The following SLC35F3 variants were observed in gnomAD, a reference collection of about 807,000 sequenced individuals.
SLC35F3 encodes the protein putative thiamine transporter SLC35F3.
SLC35F3 carries 25 observed loss-of-function variants against 49.9 expected under a neutral mutation model. The ratio of observed to expected loss-of-function variants is 0.50; its 90% CI spans 0.37 to 0.70. SLC35F3 has a LOEUF of 0.70. Ranked by LOEUF, SLC35F3 falls within the 30% of genes least tolerant of loss-of-function variation. The pLI is 0.00. For missense variants in SLC35F3, 525 were observed against 639.8 expected (o/e 0.82, Z 1.94); for synonymous variants, 275 against 265.4 (o/e 1.04, Z -0.35).
At chr1:234,018,690 A>C (rs146511128) in intron 2 of SLC35F3, among the ~76,000 whole-genome samples, 3 of 152,262 alleles carry the variant, frequency 2.0e-5, no homozygotes, top group African/African-American at 4.8e-5. Context: ...CCATTCTATT[A>C]ACCTCCCTTC....
intron 2 of SLC35F3, among the ~76,000 whole-genome samples, chr1:233,971,691 C>A (rs546094525): frequency 2.1e-4 from 30 of 140,670 alleles, no homozygotes; most frequent in African/African-American, 7.6e-4. Context: ...GCACTCCAGC[C>A]TGGGTGACAG....
intron 2 of SLC35F3, among the ~76,000 whole-genome samples, chr1:233,929,406 G>A (rs1662208149): frequency 6.6e-6 from 1 of 152,178 alleles, no homozygotes; most frequent in Admixed American, 6.5e-5. Flanking sequence ...GTAAGTGAGA[G>A]TTATTGAGAA....
chr1:234,267,694 C>T (rs1469824643), intron 3 of SLC35F3, among the ~76,000 whole-genome samples: 2 of 140,686 alleles, frequency 1.4e-5, no homozygotes, highest in Non-Finnish European at 1.6e-5. Flanking sequence ...TCCTCACTTC[C>T]CAGACGGGGT....
intron 2 of SLC35F3, among the ~76,000 whole-genome samples, chr1:233,990,621 A>G (rs906773091): frequency 5.9e-5 from 9 of 152,120 alleles, no homozygotes; most frequent in African/African-American, 2.2e-4. Context: ...TATTCTCGCC[A>G]TACACACACA....
At chr1:234,260,280 G>C (rs1043239821) in intron 3 of SLC35F3, among the ~76,000 whole-genome samples, 3 of 152,080 alleles carry the variant, frequency 2.0e-5, no homozygotes, top group Non-Finnish European at 4.4e-5. Context: ...TCTGCACTTC[G>C]TGAAAGGCTG....
At chr1:234,220,218 G>A (rs1485412782) in intron 2 of SLC35F3, among the ~76,000 whole-genome samples, 1 of 149,932 alleles carries the variant, frequency 6.7e-6, no homozygotes, top group Non-Finnish European at 1.5e-5. Context: ...AAAGGAATTA[G>A]AATAGAATAA....
chr1:234,015,835 C>T (rs375050277), intron 2 of SLC35F3, among the ~76,000 whole-genome samples: 6 of 151,868 alleles, frequency 4.0e-5, no homozygotes, highest in African/African-American at 1.5e-4. Flanking sequence ...TTTTCTGCAC[C>T]GCAAAGGAAA....
chr1:234,146,804 G>A lies in SLC35F3; in HGVS notation c.284-84613G>A, dbSNP rs532087068. ...GCTGGGATTACAGGCATGAGCCACCGTGCCCGGCCTCATCTTTCTTTCCAT... is the reference window on the plus strand; with the variant it reads ...GCTGGGATTACAGGCATGAGCCACCATGCCCGGCCTCATCTTTCTTTCCAT... On this transcript the variant is annotated intron_variant, in intron 2 of 7. Coordinates refer to ENST00000366618, the MANE Select transcript of SLC35F3 (RefSeq NM_173508.4). Among the ~76,000 whole-genome samples, 10 of 152,134 alleles carry A rather than the reference G, an allele frequency of 6.6e-5. 1 individual carries two copies. In the South Asian group the frequency reaches 1.0e-3, roughly 16 times the overall value.
intron 2 of SLC35F3, among the ~76,000 whole-genome samples, chr1:233,999,389 C>G (rs1663512926): frequency 6.8e-6 from 1 of 147,944 alleles, no homozygotes; most frequent in South Asian, 2.2e-4. Flanking sequence ...ACAGTTTCCC[C>G]AAAGCACCAC....
At chr1:233,962,060 T>C (rs1386769711) in intron 2 of SLC35F3, among the ~76,000 whole-genome samples, 2 of 152,286 alleles carry the variant, frequency 1.3e-5, no homozygotes, top group African/African-American at 4.8e-5. Flanking sequence ...AGAGTAGATA[T>C]GATCATTGTA....
At chr1:233,966,219 G>T (rs1156724734) in intron 2 of SLC35F3, among the ~76,000 whole-genome samples, 2 of 152,196 alleles carry the variant, frequency 1.3e-5, no homozygotes, top group Non-Finnish European at 2.9e-5. Flanking sequence ...AAGACTAGTG[G>T]TAAAGAAAAA....
chr1:234,055,294 G>A (rs1242777275), intron 2 of SLC35F3, among the ~76,000 whole-genome samples: 1 of 152,200 alleles, frequency 6.6e-6, no homozygotes, highest in Non-Finnish European at 1.5e-5. Context: ...TTGAGCTGCA[G>A]TGGGCTCCAC....
chr1:234,279,569 G>T (rs530257526), intron 3 of SLC35F3, among the ~76,000 whole-genome samples: 1 of 152,102 alleles, frequency 6.6e-6, no homozygotes, highest in East Asian at 1.9e-4. Flanking sequence ...GAAGAACATC[G>T]GCATGGTGTT....
intron 2 of SLC35F3, among the ~76,000 whole-genome samples, chr1:234,108,788 GATATATATATTT>G (rs1665351839): frequency 8.7e-6 from 1 of 115,208 alleles, no homozygotes; most frequent in Middle Eastern, 5.8e-3. Context: ...ATATATAAAA[GATATATATATTT>G]ATATATATAT....
intron 3 of SLC35F3, among the ~76,000 whole-genome samples, chr1:234,247,813 T>TGA (rs1667661987): frequency 6.6e-6 from 1 of 150,882 alleles, no homozygotes; most frequent in African/African-American, 2.4e-5. Context: ...GTCCATTGTT[T>TGA]CATGGGTCAG....
chr1:234,034,161 G>A (rs1157640384), intron 2 of SLC35F3, among the ~76,000 whole-genome samples: 3 of 152,140 alleles, frequency 2.0e-5, no homozygotes, highest in Non-Finnish European at 2.9e-5. Flanking sequence ...CAGCTTGGTC[G>A]CTGTTGATGT....
At chr1:234,258,201 G>T (rs1667850362) in intron 3 of SLC35F3, among the ~76,000 whole-genome samples, 1 of 152,222 alleles carries the variant, frequency 6.6e-6, no homozygotes, top group Admixed American at 6.5e-5. Context: ...ATGCTGATTT[G>T]TTGAGTTAAG....
At chr1:234,289,014 CA>C (rs1276657287) in intron 3 of SLC35F3, among the ~76,000 whole-genome samples, 1 of 152,148 alleles carries the variant, frequency 6.6e-6, no homozygotes, top group African/African-American at 2.4e-5. Flanking sequence ...ATCACACTCA[CA>C]GTAATCCAGG....
intron 2 of SLC35F3, among the ~76,000 whole-genome samples, chr1:234,054,430 T>C (rs1325888547): frequency 6.6e-6 from 1 of 152,240 alleles, no homozygotes; most frequent in African/African-American, 2.4e-5. Context: ...CTTGATCGAA[T>C]CGGCTACTGA....
Sources: allele counts gnomAD v4.1 joint callset (sites outside exome capture counted in the v4.1 genomes callset), GRCh38; gene constraint gnomAD v4.1.1; transcripts MANE v1.5; gene names NCBI Gene and HGNC (gene_info 2026-07-23, HGNC 2026-07-21).